Variants in KIRREL3 observed in about 807,000 individuals in gnomAD.
KIRREL3 encodes the protein kirre like nephrin family adhesion molecule 3.
In KIRREL3, 36 loss-of-function variants were observed where a neutral mutation model predicts 89.7. The ratio of observed to expected loss-of-function variants is 0.40; its 90% CI spans 0.31 to 0.53. The LOEUF (loss-of-function observed/expected upper bound fraction) is 0.53, where lower values mean the gene tolerates loss of function less well. Among genes scored for constraint, KIRREL3 ranks in the 20% least tolerant of loss-of-function variants. KIRREL3 has a pLI of 0.49. For synonymous variants in KIRREL3, 445 were observed against 441.4 expected, an observed-to-expected ratio of 1.01 and a Z score of -0.10; for missense variants, 864 against 1,056.6, an observed-to-expected ratio of 0.82 and a Z score of 2.53.
At chr11:126,650,850 C>A (rs1037589247) in intron 1 of KIRREL3, among the ~76,000 whole-genome samples, 1 of 152,286 alleles carries the variant, frequency 6.6e-6, no homozygotes, top group East Asian at 1.9e-4. Context: ...TAAAGACATA[C>A]CCAAGACTGG....
intron 4 of KIRREL3, among the ~76,000 whole-genome samples, chr11:126,510,696 T>C (rs1958192729): frequency 6.6e-6 from 1 of 152,178 alleles, no homozygotes; most frequent in Non-Finnish European, 1.5e-5. Context: ...TTCTCTCTAG[T>C]GAGCTGAACC....
At chr11:126,828,793 A>G (rs1943505227) in intron 1 of KIRREL3, among the ~76,000 whole-genome samples, 1 of 152,110 alleles carries the variant, frequency 6.6e-6, no homozygotes, top group African/African-American at 2.4e-5. Flanking sequence ...AAGAGTTTTT[A>G]TTTATTTAAT....
At chr11:126,500,698 C>A (rs1190977905) in intron 4 of KIRREL3, among the ~76,000 whole-genome samples, 1 of 149,690 alleles carries the variant, frequency 6.7e-6, no homozygotes, top group Non-Finnish European at 1.5e-5. Context: ...TGAGATCGCA[C>A]CACTGCACTA....
chr11:126,835,890 TG>T (rs1166733429), intron 1 of KIRREL3, among the ~76,000 whole-genome samples: 1 of 152,156 alleles, frequency 6.6e-6, no homozygotes, highest in Non-Finnish European at 1.5e-5. Flanking sequence ...ATCAACCATA[TG>T]GGCAATCAAT....
At position 126,441,865 on chromosome 11, in the gene KIRREL3, C is replaced by A. The variant is rs1255260802; in HGVS notation, c.1253-1316G>T. Among the ~76,000 whole-genome samples, 3 of 152,128 alleles carry A rather than the reference C, an allele frequency of 2.0e-5. No homozygotes were observed. The East Asian group carries it at 5.8e-4, about 29-fold the overall frequency. ...GAATGGGCTGAGCGCTGCCCTCCTT[C>A]CTAAAAATCCTTCAGCTCCAACAGG... On this transcript the variant is annotated intron_variant, in intron 10 of 16. Coordinates refer to ENST00000525144, the MANE Select transcript of KIRREL3 (RefSeq NM_032531.4). The surrounding 1 kb of genome is among the most constrained non-coding windows in gnomAD (Gnocchi z 5.0).
intron 5 of KIRREL3, among the ~76,000 whole-genome samples, chr11:126,464,541 G>A (rs939420393): frequency 4.9e-5 from 1 of 20,454 alleles, no homozygotes; most frequent in Non-Finnish European, 9.1e-5. Context: ...AGAAGAAGAA[G>A]AAAAAGAAAA....
intron 1 of KIRREL3, among the ~76,000 whole-genome samples, chr11:126,882,423 C>G (rs567776657): frequency 1.3e-5 from 2 of 152,164 alleles, no homozygotes; most frequent in Non-Finnish European, 2.9e-5. Context: ...ACTAGCAACA[C>G]AAATCATCCC....
chr11:126,425,283 C>T (rs368165459), intron 16 of KIRREL3, among the ~76,000 whole-genome samples: 15 of 152,108 alleles, frequency 9.9e-5, no homozygotes, highest in East Asian at 9.6e-4. Context: ...GGCTGAGGGC[C>T]GAAGGAGGGA....
chr11:126,656,686 G>A lies in KIRREL3; in HGVS notation c.56-93774C>T, dbSNP rs1416075921. Among the ~76,000 whole-genome samples, 1 of 152,180 alleles carries A rather than the reference G, an allele frequency of 6.6e-6. No homozygotes were observed. The highest frequency in any genetic ancestry group is 2.4e-5 in the African/African-American group (1 of 41,450). ...AGATTTCTCCCTGCATAATTTCTCC[G>A]TATCTTTAGCACAGTTTGGTGATGA... On this transcript the variant is annotated intron_variant, in intron 1 of 16. Transcript: ENST00000525144. The surrounding 1 kb of genome is among the most constrained non-coding windows in gnomAD (Gnocchi z 4.0).
In KIRREL3 at chr11:126,755,009, G is replaced by T. The variant is rs892437520; in HGVS notation, c.56-192097C>A. Among the ~76,000 whole-genome samples, 13 of 152,178 alleles carry T rather than the reference G, an allele frequency of 8.5e-5. No individual in the cohort carries two copies. Among genetic ancestry groups the T allele is most frequent in the African/African-American group, 1.2e-4 (5 of 41,452 alleles). ...AAACAGGGCTGGCCCTTTAAGAAAG[G>T]TTTGTATGAGTTTAAATTGGGCCCA... On this transcript the variant is annotated intron_variant, in intron 1 of 16. Transcript: ENST00000525144. The surrounding 1 kb of genome is among the most constrained non-coding windows in gnomAD (Gnocchi z 4.3).
At position 126,431,620 on chromosome 11, in the gene KIRREL3, C is replaced by T; in HGVS notation, c.1589-94G>A. The stretch of plus-strand genomic sequence containing the variant: ...CCCGTTCCTGCGGGGGCAGCCCCTG[C>T]CACATGGGGCCCTCCTGGGAAATGC... On this transcript the variant is annotated intron_variant, in intron 13 of 16. Coordinates refer to ENST00000525144, the MANE Select transcript of KIRREL3 (RefSeq NM_032531.4). This position sits in a 1 kb window ranked among gnomAD's most constrained non-coding sequence, Gnocchi z 7.1. The T allele has an allele frequency of 2.4e-6, 3 of 1,234,980 alleles. No homozygotes were observed. Among genetic ancestry groups the T allele is most frequent in the African/African-American group, 3.0e-5 (2 of 67,744 alleles). 76.5% of individuals were successfully genotyped at this position (1,234,980 alleles called of 1,614,324 possible).
intron 11 of KIRREL3, 47 bp downstream of exon 11, chr11:126,440,402 G>C: frequency 6.6e-7 from 1 of 1,518,456 alleles, no homozygotes; most frequent in Non-Finnish European, 8.9e-7. Context: ...AAAAGTGACT[G>C]TTGGGCTGCT....
At chr11:126,992,610 C>T (rs1309949134) in intron 1 of KIRREL3, 1 of 152,226 alleles carries the variant, frequency 6.6e-6, no homozygotes, top group African/African-American at 2.4e-5. Flanking sequence ...TTTCCAACAT[C>T]TTCTGAGTAG....
rs758361889 is a variant in KIRREL3 at position 126,429,232 on chromosome 11, C to G, written c.1753G>C (p.Glu585Gln). Reference protein sequence around the residue: ...NDIRVEIVHKEPASGREGEEH... With the variant: ...NDIRVEIVHKQPASGREGEEH... ...TCACCCTCCCGACCAGAGGCTGGTT[C>G]CTTGTGGACAATTTCCACTCGGATA... The change falls in exon 15 of 17, where the codon GAA (glutamate) becomes CAA (glutamine). Residue 585 changes from glutamate (E) to glutamine (Q), a missense_variant. Coordinates refer to ENST00000525144, the MANE Select transcript of KIRREL3 (RefSeq NM_032531.4). The surrounding 1 kb of genome is among the most constrained non-coding windows in gnomAD (Gnocchi z 5.2). The G allele has an allele frequency of 6.2e-7, 1 of 1,614,006 alleles. No individual in the cohort carries two copies. Among genetic ancestry groups the G allele is most frequent in the Admixed American group, 1.7e-5 (1 of 60,028 alleles).
intron 1 of KIRREL3, among the ~76,000 whole-genome samples, chr11:126,816,533 C>T (rs1357909427): frequency 2.6e-5 from 4 of 152,200 alleles, no homozygotes; most frequent in African/African-American, 9.7e-5. Context: ...TAGAGACCCG[C>T]TGTGGAGAAA....
rs913744744 is a variant in KIRREL3 at position 126,755,400 on chromosome 11, C to T, written c.56-192488G>A. Among the ~76,000 whole-genome samples the T allele has an allele frequency of 6.6e-6, 1 of 151,970 alleles. No homozygotes were observed. The highest frequency in any genetic ancestry group is 2.1e-4 in the South Asian group (1 of 4,808). Reference sequence around the variant, plus strand: ...ATAGGGAACATGACAGGAAAAGAACCCAGCTTCATGAAGAAATTCTAATTT... The same window carrying T: ...ATAGGGAACATGACAGGAAAAGAACTCAGCTTCATGAAGAAATTCTAATTT... On this transcript the variant is annotated intron_variant, in intron 1 of 16. Transcript: ENST00000525144. The surrounding 1 kb of genome is among the most constrained non-coding windows in gnomAD (Gnocchi z 4.3).
At chr11:126,716,748 T>TG (rs201495772) in intron 1 of KIRREL3, among the ~76,000 whole-genome samples, 453 of 5,010 alleles carry the variant, frequency 0.09, 8 homozygotes, top group African/African-American at 0.15. Flanking sequence ...GTGTGTGTGT[T>TG]GGGGGGGGGG....
At chr11:126,453,073 C>T (rs1042625055) in intron 7 of KIRREL3, among the ~76,000 whole-genome samples, 4 of 115,234 alleles carry the variant, frequency 3.5e-5, no homozygotes, top group Non-Finnish European at 6.0e-5. Context: ...TCCCCCAACT[C>T]ACTGTTGCTT....
At chr11:126,982,964 T>A (rs1565476578) in intron 1 of KIRREL3, among the ~76,000 whole-genome samples, 1 of 152,206 alleles carries the variant, frequency 6.6e-6, no homozygotes, top group Admixed American at 6.5e-5. Flanking sequence ...AACTACAGCA[T>A]CTAATAGATG....
Sources: allele counts gnomAD v4.1 joint callset (sites outside exome capture counted in the v4.1 genomes callset), GRCh38; gene constraint gnomAD v4.1.1; non-coding constraint Gnocchi (gnomAD v3.1); transcripts MANE v1.5; gene names NCBI Gene and HGNC (gene_info 2026-07-23, HGNC 2026-07-21).